SAMD4A: variants seen among roughly 807,000 people sequenced by gnomAD.
SAMD4A encodes protein Smaug homolog 1.
Under a neutral mutation model 81.3 loss-of-function variants are expected in SAMD4A, and 33 were observed. The observed-to-expected ratio is 0.41, with a 90% CI of 0.31 to 0.54. The LOEUF (loss-of-function observed/expected upper bound fraction) is 0.54. Ranked by LOEUF, SAMD4A falls within the 20% of genes least tolerant of loss-of-function variation. The pLI is 0.37. For synonymous variants in SAMD4A, 389 were observed against 382.1 expected, an observed-to-expected ratio of 1.02 and a Z score of -0.21; for missense variants, 854 against 951.1, an observed-to-expected ratio of 0.90 and a Z score of 1.34.
rs891157495 is a variant in SAMD4A at position 54,791,269 on chromosome 14, G to A, written c.*2325G>A. 7.2e-5 allele frequency: 11 copies of A among 152,134 alleles called. No individual in the cohort carries two copies. Among genetic ancestry groups the A allele is most frequent in the Non-Finnish European group, 1.3e-4 (9 of 68,000 alleles). 9.4% of individuals were successfully genotyped at this position (152,134 alleles called of 1,614,324 possible). ...ATACTGAGAAAGTGAATAAAGAGGA[G>A]AAAAAACCATGGTATTACACATCTT... is the stretch of plus-strand genomic sequence containing the variant. On this transcript the variant is annotated 3_prime_UTR_variant, in exon 13 of 13. Transcript: ENST00000554335.
chr14:54,766,788 G>A (rs2038556151), intron 8 of SAMD4A, among the ~76,000 whole-genome samples: 1 of 152,172 alleles, frequency 6.6e-6, no homozygotes, highest in Non-Finnish European at 1.5e-5. Context: ...AGACAGCTGA[G>A]CCCATGAGAC....
intron 2 of SAMD4A, among the ~76,000 whole-genome samples, chr14:54,577,659 G>A (rs1373607827): frequency 2.6e-5 from 4 of 152,218 alleles, no homozygotes; most frequent in Admixed American, 6.5e-5. Flanking sequence ...CTGTAATACA[G>A]TCATTGTACT....
At chr14:54,782,440 A>T (rs558045462) in intron 11 of SAMD4A, among the ~76,000 whole-genome samples, 1 of 152,184 alleles carries the variant, frequency 6.6e-6, no homozygotes, top group African/African-American at 2.4e-5. Context: ...TGATTTTCAC[A>T]TGAATGGATG....
chr14:54,634,755 G>A (rs3889687), intron 2 of SAMD4A, among the ~76,000 whole-genome samples: 1,013 of 91,720 alleles, frequency 0.011, 11 homozygotes, highest in East Asian at 0.057. Flanking sequence ...CTGTCTGTCT[G>A]TCTGTCTATC....
chr14:54,610,800 T>C (rs1461126968), intron 2 of SAMD4A, among the ~76,000 whole-genome samples: 1 of 152,082 alleles, frequency 6.6e-6, no homozygotes, highest in Non-Finnish European at 1.5e-5. Context: ...TTTTTAGGGG[T>C]GAGTGTGGAA....
intron 3 of SAMD4A, among the ~76,000 whole-genome samples, chr14:54,727,082 T>C (rs996353770): frequency 2.0e-5 from 3 of 151,872 alleles, no homozygotes; most frequent in Admixed American, 2.0e-4. Flanking sequence ...ATGTATATTA[T>C]TGATTAATTA....
chr14:54,671,975 G>A (rs1245743908), intron 2 of SAMD4A, among the ~76,000 whole-genome samples: 1 of 149,994 alleles, frequency 6.7e-6, no homozygotes, highest in African/African-American at 2.5e-5. Flanking sequence ...GAAGGAAAAT[G>A]TCACACCATT....
At chr14:54,674,902 T>C (rs545624715) in intron 2 of SAMD4A, among the ~76,000 whole-genome samples, 2 of 152,160 alleles carry the variant, frequency 1.3e-5, no homozygotes, top group African/African-American at 4.8e-5. Flanking sequence ...GCCCGTGCCA[T>C]GATGCCCAGC....
chr14:54,576,470 A>G (rs1270354960), intron 2 of SAMD4A, among the ~76,000 whole-genome samples: 1 of 152,240 alleles, frequency 6.6e-6, no homozygotes, highest in East Asian at 1.9e-4. Context: ...GGTTTTGCAC[A>G]TTGTAGGCAT....
At chr14:54,753,103 A>C (rs1378624667) in intron 6 of SAMD4A, among the ~76,000 whole-genome samples, 1 of 152,270 alleles carries the variant, frequency 6.6e-6, no homozygotes, top group Admixed American at 6.5e-5. Context: ...GGCAGGAGAC[A>C]GTGGCCTTCC....
At chr14:54,650,151 A>G (rs1566566160) in intron 2 of SAMD4A, among the ~76,000 whole-genome samples, 2 of 152,242 alleles carry the variant, frequency 1.3e-5, no homozygotes, top group African/African-American at 4.8e-5. Context: ...AGTGAATGAA[A>G]AGAAATTAAA....
chr14:54,701,485 G>A (rs560812311), intron 2 of SAMD4A, among the ~76,000 whole-genome samples: 44 of 152,354 alleles, frequency 2.9e-4, no homozygotes, highest in Non-Finnish European at 1.3e-4. Flanking sequence ...TAGTCACTCT[G>A]AGTTAGCTTC....
chr14:54,754,966 T>A (rs992631597), intron 6 of SAMD4A: 29 of 460,194 alleles, frequency 6.3e-5, no homozygotes, highest in Admixed American at 1.3e-4. Context: ...TATGGCACCA[T>A]ATGATCTCAC....
At chr14:54,623,960 A>G (rs1451494969) in intron 2 of SAMD4A, among the ~76,000 whole-genome samples, 2 of 152,084 alleles carry the variant, frequency 1.3e-5, no homozygotes, top group Non-Finnish European at 2.9e-5. Flanking sequence ...GTTTGATTTC[A>G]TCCACTCTTA....
At chr14:54,657,776 C>A (rs80140642) in intron 2 of SAMD4A, among the ~76,000 whole-genome samples, 1 of 152,330 alleles carries the variant, frequency 6.6e-6, no homozygotes, top group Non-Finnish European at 1.5e-5. Context: ...GAGCCACTCA[C>A]CCTTCCACTA....
chr14:54,702,496 G>A lies in SAMD4A; in HGVS notation c.631G>A (p.Gly211Arg). 1.2e-6 allele frequency: 2 copies of A among 1,614,084 alleles called. No individual in the cohort carries two copies. The highest frequency in any genetic ancestry group is 4.5e-5 in the East Asian group (2 of 44,898). Residue 211 changes from glycine (G) to arginine (R), a missense_variant, in exon 3 of 13, where the codon GGG becomes AGG. Physicochemically the swap from Gly to Arg is moderately radical, Grantham distance 125. This residue lies in a region of SAMD4A where 387 missense variants were observed against 405.8 expected (regional missense o/e 0.95). Coordinates refer to ENST00000554335, the MANE Select transcript of SAMD4A (RefSeq NM_015589.6). ...CTCCAACTGGCAGGACAAAAGCATG[G>A]GGTGTGAGAATGGCCATGTGCCCCT... ...NASNWQDKSM[G>R]CENGHVPLYS...
In SAMD4A at chr14:54,737,005, A is replaced by T. The variant is rs748186473; in HGVS notation, c.716-19A>T. 6.2e-7 allele frequency: 1 copy of T among 1,611,310 alleles called. No homozygotes were observed. Among genetic ancestry groups the T allele is most frequent in the Non-Finnish European group, 8.5e-7 (1 of 1,179,802 alleles). On this transcript the variant is annotated intron_variant, in intron 3 of 12. Transcript: ENST00000554335. ...TAAAGGGGGGGGAATAACCTATTTC[A>T]TTTTATTTTTTTTTCCAGTTCTCTC...
chr14:54,705,227 A>T (rs1330012645), intron 3 of SAMD4A, among the ~76,000 whole-genome samples: 2 of 152,216 alleles, frequency 1.3e-5, no homozygotes, highest in Non-Finnish European at 2.9e-5. Flanking sequence ...GTGAGGAGCT[A>T]AGTGTTAACA....
chr14:54,776,292 A>T, intron 10 of SAMD4A, 122 bp from the exon 11 acceptor site: 1 of 1,025,718 alleles, frequency 9.7e-7, no homozygotes, highest in Non-Finnish European at 1.4e-6. Flanking sequence ...CTGGCCTGCA[A>T]GCCCCTTTTC....
Sources: allele counts gnomAD v4.1 joint callset (sites outside exome capture counted in the v4.1 genomes callset), GRCh38; gene constraint gnomAD v4.1.1; regional missense constraint gnomAD v4.1.1; transcripts MANE v1.5; gene names NCBI Gene and HGNC (gene_info 2026-07-23, HGNC 2026-07-21).